Variants in CFAP45 observed in about 807,000 individuals in gnomAD.
CFAP45 encodes cilia- and flagella-associated protein 45.
Under a neutral mutation model 75.6 loss-of-function variants are expected in CFAP45, and 43 were observed. That is an observed-to-expected ratio of 0.57 (90% CI 0.45 to 0.73). CFAP45 has a LOEUF of 0.73. Ranked by LOEUF, CFAP45 falls within the 30% of genes least tolerant of loss-of-function variation. The probability of loss-of-function intolerance (pLI) is 0.00; values close to 1 mark genes in which losing one functional copy is unlikely to be tolerated. For missense variants in CFAP45, 689 were observed against 701.5 expected (o/e 0.98, Z 0.20); for synonymous variants, 223 against 244.6 (o/e 0.91, Z 0.82).
At chr1:159,899,343 GC>G (rs2101855462) in intron 1 of CFAP45, among the ~76,000 whole-genome samples, 1 of 152,006 alleles carries the variant, frequency 6.6e-6, no homozygotes, top group African/African-American at 2.4e-5. Context: ...GGGATACAAA[GC>G]CCTGCTAACA....
chr1:159,890,976 C>A (rs940169605), intron 2 of CFAP45, among the ~76,000 whole-genome samples: 2 of 152,120 alleles, frequency 1.3e-5, no homozygotes, highest in Non-Finnish European at 2.9e-5. Flanking sequence ...CCAGGCTGGT[C>A]TCAATCTCCT....
Position 159,884,434 on chromosome 1 carries a change from AC to A in CFAP45, c.897+1del. ...CGTGGCATTGTCTGTCTGGCCTGTT[AC>A]CTTTAGATCTTCCTCTTGGAGCTGT... On this transcript the variant is annotated splice_donor_variant, in intron 7 of 11. Coordinates refer to ENST00000368099, the MANE Select transcript of CFAP45 (RefSeq NM_012337.3). LOFTEE classifies it high-confidence loss of function. The A allele has an allele frequency of 6.2e-7, 1 of 1,605,548 alleles. No individual in the cohort carries two copies. The highest frequency in any genetic ancestry group is 8.5e-7 in the Non-Finnish European group (1 of 1,175,660).
At chr1:159,897,438 C>T (rs1268035946) in intron 1 of CFAP45, among the ~76,000 whole-genome samples, 1 of 151,988 alleles carries the variant, frequency 6.6e-6, no homozygotes, top group Admixed American at 6.6e-5. Flanking sequence ...CAAAAATTAG[C>T]TGGGCATGGT....
intron 10 of CFAP45, among the ~76,000 whole-genome samples, chr1:159,874,281 A>C (rs1649350931): frequency 6.6e-6 from 1 of 152,112 alleles, no homozygotes; most frequent in South Asian, 2.1e-4. Context: ...TACCCCAACA[A>C]AAGGTACCTA....
chr1:159,878,193 C>T (rs1385905521), intron 8 of CFAP45, among the ~76,000 whole-genome samples: 1 of 152,174 alleles, frequency 6.6e-6, no homozygotes, highest in Non-Finnish European at 1.5e-5. Flanking sequence ...GCTACTGGGC[C>T]AAGAAACAAC....
intron 10 of CFAP45, 59 bp downstream of exon 10, chr1:159,876,497 A>T: frequency 7.9e-7 from 1 of 1,269,518 alleles, no homozygotes; most frequent in Middle Eastern, 1.8e-4. Flanking sequence ...TCTATCCAAT[A>T]TGGACCATCC....
chr1:159,872,810 G>C (rs1649310926), intron 11 of CFAP45, 134 bp downstream of exon 11: 3 of 904,564 alleles, frequency 3.3e-6, no homozygotes, highest in Admixed American at 4.6e-5. Context: ...ATGAGCCCTG[G>C]GTGGGGAGAA....
chr1:159,888,564 T>C (rs1320608177), intron 3 of CFAP45, 68 bp from the exon 4 acceptor site: 12 of 1,417,232 alleles, frequency 8.5e-6, no homozygotes, highest in Non-Finnish European at 1.1e-5. Context: ...TTCAGGCTTC[T>C]CTGCTCTCTT....
chr1:159,880,461 C>G (rs1417828975), intron 8 of CFAP45, 93 bp downstream of exon 8: 9 of 1,157,820 alleles, frequency 7.8e-6, no homozygotes, highest in East Asian at 4.8e-5. Flanking sequence ...GGTGCGGCTG[C>G]CTTCCACTGG....
In CFAP45 at chr1:159,890,480, A is replaced by T; in HGVS notation, c.272T>A (p.Ile91Asn). 6.2e-7 allele frequency: 1 copy of T among 1,614,152 alleles called. No individual in the cohort carries two copies. Among genetic ancestry groups the T allele is most frequent in the East Asian group, 2.2e-5 (1 of 44,872 alleles). Residue 91 changes from isoleucine (I) to asparagine (N), a missense_variant and splice_region_variant, in exon 3 of 12, where the codon ATT (isoleucine) becomes AAT (asparagine). Physicochemically the swap from Ile to Asn is moderately radical, Grantham distance 149. Transcript: ENST00000368099. ...GAAGGGCAGGGGACGGTGTACTCAC[A>T]TGAGTTCTCGGACCATGTCCCGGGT... Reference protein sequence around the residue: ...LITRDMVRELIVPTEDPSGES... With the variant: ...LITRDMVRELNVPTEDPSGES...
chr1:159,891,852 A>G (rs568038743), intron 2 of CFAP45, among the ~76,000 whole-genome samples: 159 of 152,346 alleles, frequency 1.0e-3, no homozygotes, highest in South Asian at 8.1e-3. Flanking sequence ...ACAAGAGACA[A>G]GCATTTTTCT....
intron 6 of CFAP45, among the ~76,000 whole-genome samples, chr1:159,884,922 AG>A (rs1202103313): frequency 1.3e-5 from 2 of 152,232 alleles, no homozygotes; most frequent in East Asian, 1.9e-4. Context: ...GAGTAATCAT[AG>A]GAAGCTAGCT....
intron 7 of CFAP45, among the ~76,000 whole-genome samples, chr1:159,882,994 T>G (rs1649584858): frequency 6.6e-6 from 1 of 152,132 alleles, no homozygotes; most frequent in African/African-American, 2.4e-5. Flanking sequence ...TCATTGCACT[T>G]CTCTAGCAGC....
Position 159,877,468 on chromosome 1 carries a change from G to T in CFAP45, c.1045-6C>A. The T allele has an allele frequency of 6.3e-7, 1 of 1,599,108 alleles. No individual in the cohort carries two copies. Among genetic ancestry groups the T allele is most frequent in the Non-Finnish European group, 8.6e-7 (1 of 1,166,268 alleles). ...TCAAACTCTGCTTCTCGAGCCTGCC[G>T]GAAGGAAAGGCCTTGTAGAATAGTT... is the stretch of plus-strand genomic sequence containing the variant. On this transcript the variant is annotated splice_polypyrimidine_tract_variant and splice_region_variant and intron_variant, in intron 8 of 11. Transcript: ENST00000368099.
intron 2 of CFAP45, among the ~76,000 whole-genome samples, chr1:159,891,001 C>G (rs924323708): frequency 6.6e-6 from 1 of 152,104 alleles, no homozygotes. Flanking sequence ...TCAGATGATC[C>G]GCCCGCCTGG....
chr1:159,888,031 C>T lies in CFAP45; in HGVS notation c.418-20G>A. The T allele has an allele frequency of 3.1e-6, 5 of 1,610,332 alleles. No homozygotes were observed. Among genetic ancestry groups the T allele is most frequent in the Non-Finnish European group, 3.4e-6 (4 of 1,177,186 alleles). On this transcript the variant is annotated intron_variant, in intron 4 of 11. Transcript: ENST00000368099. ...TGCATCCTAAGGGAGACCAGTCTGG[C>T]TCAGTGGGAGATTATTTCATGCGCT...
chr1:159,893,889 G>C (rs892365768), intron 1 of CFAP45, among the ~76,000 whole-genome samples: 32 of 150,704 alleles, frequency 2.1e-4, no homozygotes, highest in African/African-American at 7.5e-4. Context: ...TAATATACAT[G>C]TATACAATAA....
At chr1:159,873,299 C>T in intron 10 of CFAP45, 131 bp from the exon 11 acceptor site, 1 of 700,840 alleles carries the variant, frequency 1.4e-6, no homozygotes, top group Non-Finnish European at 2.4e-6. Flanking sequence ...TGGGCTCCAG[C>T]CCCATTTTGT....
intron 8 of CFAP45, among the ~76,000 whole-genome samples, chr1:159,878,996 A>G (rs1429461665): frequency 1.3e-5 from 2 of 152,054 alleles, no homozygotes; most frequent in African/African-American, 4.8e-5. Flanking sequence ...TGAGGTCGGT[A>G]AGGGCTTGTG....
Sources: allele counts gnomAD v4.1 joint callset (sites outside exome capture counted in the v4.1 genomes callset), GRCh38; gene constraint gnomAD v4.1.1; transcripts MANE v1.5; gene names NCBI Gene and HGNC (gene_info 2026-07-23, HGNC 2026-07-21).